MAN1A1: variants seen among roughly 807,000 people sequenced by gnomAD.
MAN1A1 encodes the protein mannosidase alpha class 1A member 1.
Under a neutral mutation model 70.8 loss-of-function variants are expected in MAN1A1, and 29 were observed. The ratio of observed to expected loss-of-function variants is 0.41; its 90% CI spans 0.31 to 0.56. MAN1A1 has a LOEUF of 0.56. Ranked by LOEUF, MAN1A1 falls within the 20% of genes least tolerant of loss-of-function variation. MAN1A1 has a pLI of 0.29. For synonymous variants in MAN1A1, 349 were observed against 330.1 expected, an observed-to-expected ratio of 1.06 and a Z score of -0.62; for missense variants, 747 against 841.3, an observed-to-expected ratio of 0.89 and a Z score of 1.39.
At chr6:119,332,302 G>A (rs1393510804) in intron 2 of MAN1A1, among the ~76,000 whole-genome samples, 1 of 151,970 alleles carries the variant, frequency 6.6e-6, no homozygotes, top group Non-Finnish European at 1.5e-5. Context: ...ATCAATTAAG[G>A]AGCCACTCTC....
chr6:119,222,587 A>G (rs1321973129), intron 6 of MAN1A1, among the ~76,000 whole-genome samples: 1 of 152,124 alleles, frequency 6.6e-6, no homozygotes, highest in Non-Finnish European at 1.5e-5. Flanking sequence ...AAAGCCTCCC[A>G]AAGTGCTGGG....
At chr6:119,277,974 T>TAAATA (rs1242092108) in intron 5 of MAN1A1, among the ~76,000 whole-genome samples, 8 of 92,940 alleles carry the variant, frequency 8.6e-5, no homozygotes, top group African/African-American at 2.8e-4. Context: ...AATAAATAAA[T>TAAATA]AAATAAATAA....
At chr6:119,286,663 T>C (rs1776382995) in intron 5 of MAN1A1, among the ~76,000 whole-genome samples, 1 of 152,180 alleles carries the variant, frequency 6.6e-6, no homozygotes, top group African/African-American at 2.4e-5. Flanking sequence ...TCTTTTTTCT[T>C]TGAAAGCTAG....
chr6:119,234,321 C>T (rs187776508), intron 6 of MAN1A1, among the ~76,000 whole-genome samples: 10 of 152,274 alleles, frequency 6.6e-5, no homozygotes, highest in African/African-American at 2.4e-4. Flanking sequence ...ATTTTAAAAT[C>T]TTCCAGAGGA....
intron 6 of MAN1A1, among the ~76,000 whole-genome samples, chr6:119,206,046 T>C (rs985393591): frequency 6.6e-6 from 1 of 152,190 alleles, no homozygotes; most frequent in South Asian, 2.1e-4. Flanking sequence ...AGAAGACTTC[T>C]TCAAGGAAGA....
chr6:119,294,839 A>T (rs924598669), intron 4 of MAN1A1, among the ~76,000 whole-genome samples: 4 of 152,090 alleles, frequency 2.6e-5, no homozygotes, highest in Non-Finnish European at 5.9e-5. Flanking sequence ...TTTACACCTA[A>T]AATCAAGAGA....
Position 119,349,153 on chromosome 6 carries a change from C to G in MAN1A1, c.-88G>C. 1 of 1,235,924 alleles carries G rather than the reference C, an allele frequency of 8.1e-7. No individual in the cohort carries two copies. Among genetic ancestry groups the G allele is most frequent in the Non-Finnish European group, 1.0e-6 (1 of 991,156 alleles). 76.6% of individuals were successfully genotyped at this position (1,235,924 alleles called of 1,614,324 possible). A position where few individuals can be genotyped will look rare whatever the true frequency, so the allele number is the denominator to read the frequency against. On this transcript the variant is annotated 5_prime_UTR_variant, in exon 2 of 13. Coordinates refer to ENST00000368468, the MANE Select transcript of MAN1A1 (RefSeq NM_005907.4). Reference sequence around the variant, plus strand: ...GAGTCCGCGGCTGCGGGGCTGGGTCCTGCGTAGCCAGGCCGCCCGACCCCC... The same window carrying G: ...GAGTCCGCGGCTGCGGGGCTGGGTCGTGCGTAGCCAGGCCGCCCGACCCCC...
chr6:119,268,633 T>A (rs915020537), intron 5 of MAN1A1, among the ~76,000 whole-genome samples: 1 of 151,912 alleles, frequency 6.6e-6, no homozygotes, highest in Non-Finnish European at 1.5e-5. Context: ...GTCACCCAGG[T>A]TGAAGTGTAG....
chr6:119,206,770 C>G (rs887063730), intron 6 of MAN1A1, among the ~76,000 whole-genome samples: 2 of 152,202 alleles, frequency 1.3e-5, no homozygotes, highest in Non-Finnish European at 2.9e-5. Context: ...CTGTTTTATT[C>G]CAATCACTCC....
chr6:119,340,235 CAG>C (rs530013966), intron 2 of MAN1A1, among the ~76,000 whole-genome samples: 3 of 152,134 alleles, frequency 2.0e-5, no homozygotes, highest in Non-Finnish European at 4.4e-5. Flanking sequence ...TATGCCCCGA[CAG>C]AGAGAGATAC....
At chr6:119,295,484 TATG>T (rs1772183780) in intron 4 of MAN1A1, among the ~76,000 whole-genome samples, 1 of 152,120 alleles carries the variant, frequency 6.6e-6, no homozygotes, top group Non-Finnish European at 1.5e-5. Context: ...CTTCAAGCCT[TATG>T]ATGTTTATTT....
intron 5 of MAN1A1, among the ~76,000 whole-genome samples, chr6:119,272,402 T>G (rs1358235826): frequency 6.6e-6 from 1 of 152,184 alleles, no homozygotes; most frequent in Non-Finnish European, 1.5e-5. Context: ...TTGAAGTTTC[T>G]TAAGGGCCAT....
intron 2 of MAN1A1, among the ~76,000 whole-genome samples, chr6:119,312,015 A>G (rs930199312): frequency 2.6e-5 from 4 of 152,158 alleles, no homozygotes; most frequent in Non-Finnish European, 5.9e-5. Context: ...TAACCTAGAG[A>G]CCAACAGACA....
chr6:119,216,490 G>C (rs1244958725), intron 6 of MAN1A1, among the ~76,000 whole-genome samples: 3 of 152,306 alleles, frequency 2.0e-5, no homozygotes, highest in South Asian at 2.1e-4. Flanking sequence ...AGCTGGGTAA[G>C]TACTGATAGC....
At chr6:119,238,281 T>C (rs2114300067) in intron 6 of MAN1A1, among the ~76,000 whole-genome samples, 1 of 152,284 alleles carries the variant, frequency 6.6e-6, no homozygotes, top group South Asian at 2.1e-4. Flanking sequence ...AACATGTAAT[T>C]GTTTTGTCCA....
At chr6:119,191,857 C>G (rs1773451364) in intron 9 of MAN1A1, among the ~76,000 whole-genome samples, 1 of 152,186 alleles carries the variant, frequency 6.6e-6, no homozygotes, top group South Asian at 2.1e-4. Flanking sequence ...GTACAGCATC[C>G]TCCCCTTGGT....
intron 3 of MAN1A1, among the ~76,000 whole-genome samples, chr6:119,306,505 T>A (rs1255956377): frequency 1.3e-5 from 2 of 152,210 alleles, no homozygotes. Context: ...GCTGGCTGCC[T>A]TGCCCAGATT....
At chr6:119,206,368 T>A (rs1342851743) in intron 6 of MAN1A1, among the ~76,000 whole-genome samples, 1 of 152,180 alleles carries the variant, frequency 6.6e-6, no homozygotes, top group Admixed American at 6.5e-5. Flanking sequence ...ACCCTTTCAG[T>A]CCTGTCCTGG....
At chr6:119,308,978 TC>T (rs995971073) in intron 2 of MAN1A1, among the ~76,000 whole-genome samples, 1 of 152,228 alleles carries the variant, frequency 6.6e-6, no homozygotes, top group Non-Finnish European at 1.5e-5. Context: ...CCTATCTTCT[TC>T]CCTCAAGGGA....
Sources: gnomAD v4.1 joint callset for allele counts (sites outside exome capture counted in the v4.1 genomes callset) on GRCh38, gnomAD v4.1.1 for gene constraint, MANE v1.5 for transcripts, NCBI Gene and HGNC (gene_info 2026-07-23, HGNC 2026-07-21) for gene names.